SAMD8: variants seen among roughly 807,000 people sequenced by gnomAD.
SAMD8 encodes sphingomyelin synthase-related protein 1.
Under a neutral mutation model 42.0 loss-of-function variants are expected in SAMD8, and 20 were observed. The observed-to-expected ratio is 0.48, with a 90% CI of 0.34 to 0.69. The LOEUF is 0.69. Ranked by LOEUF, SAMD8 falls within the 30% of genes least tolerant of loss-of-function variation. The pLI is 0.01. For synonymous variants in SAMD8, 162 were observed against 173.0 expected, an observed-to-expected ratio of 0.94 and a Z score of 0.50; for missense variants, 328 against 511.6, an observed-to-expected ratio of 0.64 and a Z score of 3.46.
At chr10:75,146,084 A>G (rs1049229541) in intron 1 of SAMD8, among the ~76,000 whole-genome samples, 1 of 152,000 alleles carries the variant, frequency 6.6e-6, no homozygotes, top group Non-Finnish European at 1.5e-5. Flanking sequence ...CATAAACACT[A>G]GCCATCTTGA....
chr10:75,102,434 C>T (rs987050262), intron 1 of SAMD8, among the ~76,000 whole-genome samples: 2 of 151,584 alleles, frequency 1.3e-5, no homozygotes, highest in Non-Finnish European at 1.5e-5. Flanking sequence ...CAGGGCGAGA[C>T]TCCGTCTCAA....
rs1355802250 is a variant in SAMD8, at chr10:75,179,065, G to A, written c.*2373G>A. On this transcript the variant is annotated 3_prime_UTR_variant, in exon 6 of 6. Coordinates refer to ENST00000542569, the MANE Select transcript of SAMD8 (RefSeq NM_001174156.2). ...AAACAAAACAAAACAAATTAGAGTG[G>A]GTGCAGTGTCTAATGCCTGTAATCG... The A allele has an allele frequency of 6.6e-6, 1 of 151,456 alleles. No individual in the cohort carries two copies. Among genetic ancestry groups the A allele is most frequent in the Non-Finnish European group, 1.5e-5 (1 of 68,182 alleles). 9.4% of individuals were successfully genotyped at this position (151,456 alleles called of 1,614,324 possible). A position where few individuals can be genotyped will look rare whatever the true frequency, so the allele number is the denominator to read the frequency against.
At chr10:75,129,674 C>T (rs1021270959) in intron 1 of SAMD8, among the ~76,000 whole-genome samples, 11 of 152,114 alleles carry the variant, frequency 7.2e-5, no homozygotes, top group Non-Finnish European at 1.0e-4. Flanking sequence ...GCCTTAGATA[C>T]ATAACAAAGC....
chr10:75,125,698 C>T (rs867474573), intron 1 of SAMD8: 10 of 152,392 alleles, frequency 6.6e-5, no homozygotes, highest in African/African-American at 2.4e-4. Context: ...AAACAAGTAC[C>T]TTGGGCACCT....
intron 1 of SAMD8, among the ~76,000 whole-genome samples, chr10:75,149,205 T>C (rs1840222620): frequency 6.6e-6 from 1 of 152,184 alleles, no homozygotes; most frequent in Admixed American, 6.5e-5. Flanking sequence ...CATGTAGGCC[T>C]TTGTCTCCTA....
At chr10:75,167,180 G>A (rs1180252777) in intron 3 of SAMD8, among the ~76,000 whole-genome samples, 1 of 152,120 alleles carries the variant, frequency 6.6e-6, no homozygotes, top group African/African-American at 2.4e-5. Flanking sequence ...AAAACATAGT[G>A]TTTTATAGCT....
chr10:75,118,151 T>A (rs992650757), intron 1 of SAMD8, among the ~76,000 whole-genome samples: 8 of 152,184 alleles, frequency 5.3e-5, no homozygotes, highest in Non-Finnish European at 8.8e-5. Context: ...AATGATGATG[T>A]AACTGAGGAG....
At chr10:75,103,834 A>G in intron 1 of SAMD8, 1 of 1,227,666 alleles carries the variant, frequency 8.1e-7, no homozygotes, top group South Asian at 1.4e-5. Flanking sequence ...TTTCCCAGGG[A>G]ACTTGGGGTC....
chr10:75,106,106 T>C lies in SAMD8; in HGVS notation c.-16+6378T>C, dbSNP rs113672522. Among the ~76,000 whole-genome samples, 147 of 81,610 alleles carry C rather than the reference T, an allele frequency of 1.8e-3. 1 individual carries two copies. The highest frequency in any genetic ancestry group is 0.014 in the East Asian group (12 of 852). The allele number at this position is 81,610 out of a possible 152,430, so 53.5% of individuals were successfully genotyped here. Reference sequence around the variant, plus strand: ...TTTTTTCTTTTCTTTCTTTTCTTTTTTTTTTTTTTTTTTTTAGTAGAGACA... The same window carrying C: ...TTTTTTCTTTTCTTTCTTTTCTTTTCTTTTTTTTTTTTTTTAGTAGAGACA... On this transcript the variant is annotated intron_variant, in intron 1 of 3. Coordinates refer to the SAMD8 transcript ENST00000447533.
upstream of SAMD8, among the ~76,000 whole-genome samples, chr10:75,110,484 T>G (rs1334123039): frequency 1.3e-5 from 2 of 152,112 alleles, no homozygotes; most frequent in South Asian, 2.1e-4. Flanking sequence ...AAGACCAGTT[T>G]GAAGGGAAAG....
chr10:75,130,191 T>C (rs1849242764), intron 1 of SAMD8, among the ~76,000 whole-genome samples: 2 of 151,944 alleles, frequency 1.3e-5, no homozygotes, highest in African/African-American at 2.4e-5. Context: ...AAATAAGATA[T>C]GAATGCTTAA....
chr10:75,172,150 G>A (rs1564696911), intron 4 of SAMD8, among the ~76,000 whole-genome samples: 3 of 152,154 alleles, frequency 2.0e-5, no homozygotes. Flanking sequence ...CATTCTGATT[G>A]ATGAAAGGTA....
At chr10:75,138,596 T>C (rs1839947649) in intron 1 of SAMD8, among the ~76,000 whole-genome samples, 1 of 152,228 alleles carries the variant, frequency 6.6e-6, no homozygotes, top group Non-Finnish European at 1.5e-5. Flanking sequence ...GCTTTTTTCA[T>C]TTCATCAAGT....
chr10:75,133,473 T>A (rs1022082404), intron 1 of SAMD8, among the ~76,000 whole-genome samples: 3 of 152,170 alleles, frequency 2.0e-5, no homozygotes, highest in African/African-American at 7.2e-5. Context: ...CCAAAGGAAA[T>A]GAAATCAGGA....
intron 1 of SAMD8, among the ~76,000 whole-genome samples, chr10:75,127,759 C>T (rs1849178066): frequency 6.6e-6 from 1 of 152,162 alleles, no homozygotes; most frequent in South Asian, 2.1e-4. Flanking sequence ...ACATGACAGA[C>T]AGTATTCAGC....
intron 2 of SAMD8, among the ~76,000 whole-genome samples, chr10:75,156,426 A>G (rs1422304081): frequency 6.6e-6 from 1 of 152,156 alleles, no homozygotes; most frequent in African/African-American, 2.4e-5. Flanking sequence ...ATTAGGTGAA[A>G]GGCCACTGAG....
At chr10:75,136,744 A>G (rs1051002073) in intron 1 of SAMD8, among the ~76,000 whole-genome samples, 3 of 152,222 alleles carry the variant, frequency 2.0e-5, no homozygotes, top group African/African-American at 7.2e-5. Flanking sequence ...AAAAAAACCC[A>G]GTAAAAACAT....
chr10:75,138,369 T>C (rs1186233641), intron 1 of SAMD8, among the ~76,000 whole-genome samples: 1 of 152,074 alleles, frequency 6.6e-6, no homozygotes, highest in East Asian at 1.9e-4. Context: ...GTTGGAGAGG[T>C]AGGGTGGGGA....
chr10:75,174,426 G>A (rs1245723881), intron 4 of SAMD8, among the ~76,000 whole-genome samples: 2 of 147,306 alleles, frequency 1.4e-5, no homozygotes, highest in Admixed American at 6.8e-5. Context: ...ACCGTGCCTG[G>A]CCTCTTTTTT....
Sources: allele counts gnomAD v4.1 joint callset (sites outside exome capture counted in the v4.1 genomes callset), GRCh38; gene constraint gnomAD v4.1.1; transcripts MANE v1.5; gene names NCBI Gene and HGNC (gene_info 2026-07-23, HGNC 2026-07-21).